Variants in ANK2 observed in about 807,000 individuals in gnomAD.
ANK2 encodes ankyrin-2.
ANK2 carries 83 observed loss-of-function variants against 360.5 expected under a neutral mutation model. The ratio of observed to expected loss-of-function variants is 0.23; its 90% confidence interval spans 0.19 to 0.28. The LOEUF (loss-of-function observed/expected upper bound fraction) is 0.28. Ranked by LOEUF, ANK2 falls within the 10% of genes least tolerant of loss-of-function variation. ANK2 has a pLI of 1.00. For synonymous variants in ANK2, 1,740 were observed against 1,759.5 expected (o/e 0.99, Z 0.28); for missense variants, 4,201 against 4,795.7 (o/e 0.88, Z 3.66).
At chr4:112,996,762 T>C (rs1208036124) in intron 2 of ANK2, among the ~76,000 whole-genome samples, 4 of 152,202 alleles carry the variant, frequency 2.6e-5, no homozygotes, top group African/African-American at 9.6e-5. Flanking sequence ...CTCTTTATTT[T>C]AAAATGTACA....
chr4:113,134,251 G>A (rs1041254072), intron 1 of ANK2, among the ~76,000 whole-genome samples: 3 of 149,850 alleles, frequency 2.0e-5, no homozygotes, highest in Non-Finnish European at 4.4e-5. Context: ...AACTGCAATG[G>A]AAGTAGCTCT....
At chr4:112,902,832 A>G (rs542735174) in intron 1 of ANK2, among the ~76,000 whole-genome samples, 3 of 152,366 alleles carry the variant, frequency 2.0e-5, no homozygotes, top group African/African-American at 7.2e-5. Context: ...TGTGGACACC[A>G]CATCTGTTGA....
Position 112,888,278 on chromosome 4 carries a change from A to T in ANK2, c.-39-16177A>T, listed in dbSNP as rs76426801. On this transcript the variant is annotated intron_variant, in intron 1 of 30. Coordinates refer to the ANK2 transcript ENST00000503271. ...AATGGTTAATAGAATGTTTAATGTC[A>T]TCATATTTCAAAGTTAGAGATTATC... is the stretch of plus-strand genomic sequence containing the variant. 1.9e-3 allele frequency among the ~76,000 whole-genome samples: 282 copies of T among 152,276 alleles called. 4 individuals carry two copies. In the East Asian group the frequency reaches 0.048, roughly 26 times the overall value.
intron 2 of ANK2, among the ~76,000 whole-genome samples, chr4:113,030,131 GA>G (rs1241150021): frequency 5.9e-5 from 9 of 151,986 alleles, no homozygotes; most frequent in Non-Finnish European, 1.3e-4. Context: ...GGGTAATATT[GA>G]AAATGAAGTG....
At chr4:112,907,369 T>G (rs1205095799) in intron 2 of ANK2, among the ~76,000 whole-genome samples, 1 of 152,232 alleles carries the variant, frequency 6.6e-6, no homozygotes, top group Non-Finnish European at 1.5e-5. Flanking sequence ...GTTCAGGTAC[T>G]TAAATTTTTT....
chr4:113,369,946 C>G (rs1389799547), intron 43 of ANK2, 141 bp downstream of exon 43: 3 of 988,334 alleles, frequency 3.0e-6, no homozygotes, highest in Non-Finnish European at 4.5e-6. Context: ...TGGAAACCCT[C>G]AATCCCTTTT....
chr4:112,779,919 G>A, the ANK2 span, among the ~76,000 whole-genome samples: 1 of 152,058 alleles, frequency 6.6e-6, no homozygotes, highest in Non-Finnish European at 1.5e-5. Flanking sequence ...CCCTTCCACT[G>A]CACTGTCAAT....
intron 9 of ANK2, among the ~76,000 whole-genome samples, chr4:113,244,978 G>A (rs2042067345): frequency 6.6e-6 from 1 of 152,152 alleles, no homozygotes; most frequent in Admixed American, 6.5e-5. Flanking sequence ...GTATTCCATG[G>A]TGTATACGTG....
At chr4:112,786,935 G>A in the ANK2 span, among the ~76,000 whole-genome samples, 1 of 151,790 alleles carries the variant, frequency 6.6e-6, no homozygotes, top group Non-Finnish European at 1.5e-5. Context: ...ATTTAGTAGA[G>A]ATGGGGATTC....
At chr4:112,727,630 A>C in the ANK2 span, among the ~76,000 whole-genome samples, 1 of 152,182 alleles carries the variant, frequency 6.6e-6, no homozygotes, top group Non-Finnish European at 1.5e-5. Context: ...AGGATACCCA[A>C]ATAAAATCAG....
At chr4:113,151,220 T>G (rs2097067642) in intron 1 of ANK2, 1 of 986,354 alleles carries the variant, frequency 1.0e-6, no homozygotes, top group African/African-American at 1.7e-5. Flanking sequence ...GAATGTACCC[T>G]TACTGCAATT....
At chr4:112,911,139 G>T (rs2087115778) in intron 2 of ANK2, among the ~76,000 whole-genome samples, 1 of 140,126 alleles carries the variant, frequency 7.1e-6, no homozygotes, top group Non-Finnish European at 1.5e-5. Context: ...TGTATTTTTA[G>T]TAGAGACTTT....
At chr4:113,170,329 C>G (rs1583699364) in intron 1 of ANK2, among the ~76,000 whole-genome samples, 1 of 152,318 alleles carries the variant, frequency 6.6e-6, no homozygotes, top group South Asian at 2.1e-4. Context: ...TGCTGCTGCT[C>G]AGGCACTTTT....
the ANK2 span, among the ~76,000 whole-genome samples, chr4:112,742,566 T>G: frequency 1.3e-5 from 2 of 152,146 alleles, no homozygotes; most frequent in African/African-American, 4.8e-5. Flanking sequence ...ATAATAGATT[T>G]GCAAATAGAG....
chr4:113,061,424 T>C (rs1462284788), intron 1 of ANK2, among the ~76,000 whole-genome samples: 1 of 152,168 alleles, frequency 6.6e-6, no homozygotes, highest in African/African-American at 2.4e-5. Context: ...AACCTTTATT[T>C]ATAGTTTGTC....
intron 2 of ANK2, among the ~76,000 whole-genome samples, chr4:112,941,383 A>G (rs576502834): frequency 1.4e-5 from 2 of 145,684 alleles, no homozygotes; most frequent in South Asian, 4.3e-4. Context: ...TATACATATT[A>G]AAAAGAGTAT....
intron 3 of ANK2, among the ~76,000 whole-genome samples, chr4:113,197,067 C>T (rs575314176): frequency 1.3e-5 from 2 of 152,274 alleles, no homozygotes; most frequent in East Asian, 1.9e-4. Flanking sequence ...TGTTTTCCTA[C>T]GGTTAACTCA....
At chr4:112,883,434 T>A (rs1397403630) in intron 1 of ANK2, among the ~76,000 whole-genome samples, 2 of 152,162 alleles carry the variant, frequency 1.3e-5, no homozygotes, top group Non-Finnish European at 2.9e-5. Flanking sequence ...ATTATAATTA[T>A]GCAATTTAAT....
chr4:113,170,114 G>A (rs949613772), intron 1 of ANK2, among the ~76,000 whole-genome samples: 5 of 152,148 alleles, frequency 3.3e-5, no homozygotes, highest in African/African-American at 1.2e-4. Flanking sequence ...AGCTTTAAGA[G>A]AATATAATCT....
Sources: gnomAD v4.1 joint callset for allele counts (sites outside exome capture counted in the v4.1 genomes callset) on GRCh38, gnomAD v4.1.1 for gene constraint, MANE v1.5 for transcripts, NCBI Gene and HGNC (gene_info 2026-07-23, HGNC 2026-07-21) for gene names.